The following MTCL1 variants were observed in gnomAD, a reference collection of about 807,000 sequenced individuals.
MTCL1 encodes microtubule crosslinking factor 1.
MTCL1 carries 79 observed loss-of-function variants against 141.4 expected under a neutral mutation model. The ratio of observed to expected loss-of-function variants is 0.56; its 90% confidence interval spans 0.47 to 0.67. The LOEUF (loss-of-function observed/expected upper bound fraction) is 0.67. Ranked by LOEUF, MTCL1 falls within the 30% of genes least tolerant of loss-of-function variation. MTCL1 has a pLI of 0.00. For missense variants in MTCL1, 2,177 were observed against 2,113.9 expected (o/e 1.03, Z -0.59); for synonymous variants, 914 against 875.8 (o/e 1.04, Z -0.77).
chr18:8,824,884 A>G (rs149175996), exon 15 of MTCL1: 1,048 of 1,613,936 alleles, frequency 6.5e-4, no homozygotes, highest in Non-Finnish European at 7.6e-4. Flanking sequence ...AGGGGCCACA[A>G]TGGTGGGGGG....
chr18:8,777,924 C>T, intron 5 of MTCL1, 32 bp downstream of exon 4: 5 of 1,589,076 alleles, frequency 3.1e-6, no homozygotes, highest in Non-Finnish European at 4.3e-6. Flanking sequence ...AATGTTACAT[C>T]TCCTATAAGT....
exon 4 of MTCL1, chr18:8,720,427 C>T: frequency 1.2e-6 from 2 of 1,614,078 alleles, no homozygotes; most frequent in Non-Finnish European, 1.7e-6. Flanking sequence ...ACGAAACTCT[C>T]CGACAGCAGA....
At chr18:8,713,820 G>C (rs2096109337), upstream of MTCL1, among the ~76,000 whole-genome samples, 1 of 152,162 alleles carries the variant, frequency 6.6e-6, no homozygotes, top group African/African-American at 2.4e-5. Flanking sequence ...GCATGTGCTT[G>C]TAATCCCAGC....
intron 3 of MTCL1, 107 bp downstream of exon 2, chr18:8,718,755 T>C: frequency 9.9e-7 from 1 of 1,012,860 alleles, no homozygotes. Context: ...CTCTACAGAT[T>C]GCAGCATAAA....
At chr18:8,823,699 T>C (rs1187008535) in intron 14 of MTCL1, among the ~76,000 whole-genome samples, 1 of 152,204 alleles carries the variant, frequency 6.6e-6, no homozygotes, top group East Asian at 1.9e-4. Context: ...TAGCCTGCTG[T>C]TTTACCCCGT....
chr18:8,824,858 G>C (rs2076963610), exon 15 of MTCL1: 1 of 1,613,946 alleles, frequency 6.2e-7, no homozygotes, highest in African/African-American at 1.3e-5. Context: ...ACAAGAGCTG[G>C]GACTACACAC....
intron 10 of MTCL1, among the ~76,000 whole-genome samples, chr18:8,803,271 A>C (rs1331376678): frequency 6.6e-6 from 1 of 152,126 alleles, no homozygotes; most frequent in Non-Finnish European, 1.5e-5. Flanking sequence ...CCTGGACTGC[A>C]GTCCAGGATC....
chr18:8,707,727 G>C (rs1306917680), intron 1 of MTCL1: 1 of 152,342 alleles, frequency 6.6e-6, no homozygotes, highest in African/African-American at 2.4e-5. Context: ...TCTTCAGTGG[G>C]TTATGTGATT....
At chr18:8,757,336 C>T (rs2096406998) in intron 4 of MTCL1, among the ~76,000 whole-genome samples, 1 of 152,152 alleles carries the variant, frequency 6.6e-6, no homozygotes, top group Non-Finnish European at 1.5e-5. Flanking sequence ...ACATAGGAAA[C>T]CTCTTTTCCT....
chr18:8,786,043 G>A, exon 7 of MTCL1: 1 of 1,602,392 alleles, frequency 6.2e-7, no homozygotes, highest in Non-Finnish European at 8.5e-7. Flanking sequence ...GCGCAGACGG[G>A]GACACCGGGA....
At chr18:8,785,624 G>A (rs1027012638) in intron 6 of MTCL1, 27 of 332,018 alleles carry the variant, frequency 8.1e-5, no homozygotes, top group Middle Eastern at 9.1e-4. Flanking sequence ...CTGGATTCAC[G>A]CATCGCCATC....
At chr18:8,711,975 TATTA>T (rs1198620731) in intron 1 of MTCL1, among the ~76,000 whole-genome samples, 1 of 152,194 alleles carries the variant, frequency 6.6e-6, no homozygotes, top group Non-Finnish European at 1.5e-5. Flanking sequence ...GTTGTCAACA[TATTA>T]ATTATGTTCT....
At chr18:8,793,231 A>G in intron 8 of MTCL1, 111 bp downstream of exon 7, 2 of 1,485,408 alleles carry the variant, frequency 1.3e-6, no homozygotes, top group Non-Finnish European at 1.8e-6. Context: ...ACAGGCTGCT[A>G]GACTCCTGGG....
intron 4 of MTCL1, among the ~76,000 whole-genome samples, chr18:8,756,607 G>A (rs1454761460): frequency 6.6e-6 from 1 of 151,856 alleles, no homozygotes; most frequent in East Asian, 1.9e-4. Flanking sequence ...GGAGTTTCAG[G>A]AATGTTGAAG....
intron 4 of MTCL1, among the ~76,000 whole-genome samples, chr18:8,749,420 C>G (rs2096358876): frequency 6.6e-6 from 1 of 152,200 alleles, no homozygotes; most frequent in Admixed American, 6.5e-5. Context: ...ATCTAGGGTC[C>G]TGGCTCAGGG....
chr18:8,769,522 A>AT (rs2096475843), intron 4 of MTCL1, among the ~76,000 whole-genome samples: 2 of 152,248 alleles, frequency 1.3e-5, no homozygotes, highest in South Asian at 2.1e-4. Flanking sequence ...TTCAAGGTAC[A>AT]TATCACAAAG....
At chr18:8,724,652 C>T (rs970915811) in intron 4 of MTCL1, among the ~76,000 whole-genome samples, 1 of 152,144 alleles carries the variant, frequency 6.6e-6, no homozygotes, top group Non-Finnish European at 1.5e-5. Context: ...CATGACACAG[C>T]AGCCTATTAC....
At chr18:8,782,320 G>A (rs1046032360) in intron 5 of MTCL1, 2 of 152,224 alleles carry the variant, frequency 1.3e-5, no homozygotes, top group African/African-American at 4.8e-5. Context: ...TGTGTGATGG[G>A]GGAAACCTTT....
chr18:8,713,215 G>A (rs991911981), upstream of MTCL1, among the ~76,000 whole-genome samples: 3 of 152,100 alleles, frequency 2.0e-5, no homozygotes, highest in Non-Finnish European at 2.9e-5. Flanking sequence ...TCAAGATTTC[G>A]TTTTATATAC....
Sources: gnomAD v4.1 joint callset for allele counts (sites outside exome capture counted in the v4.1 genomes callset) on GRCh38, gnomAD v4.1.1 for gene constraint, MANE v1.5 for transcripts, NCBI Gene and HGNC (gene_info 2026-07-23, HGNC 2026-07-21) for gene names.